PUS7: variants seen among roughly 807,000 people sequenced by gnomAD.
PUS7 encodes the protein pseudouridylate synthase 7 homolog.
In PUS7, 48 loss-of-function variants were observed where a neutral mutation model predicts 79.8. The observed-to-expected ratio is 0.60, with a 90% CI of 0.48 to 0.76. The LOEUF (loss-of-function observed/expected upper bound fraction) is 0.76, where lower values mean the gene tolerates loss of function less well. Among genes scored for constraint, PUS7 ranks in the 30% least tolerant of loss-of-function variants. PUS7 has a pLI of 0.00. For missense variants in PUS7, 729 were observed against 797.6 expected (o/e 0.91, Z 1.04); for synonymous variants, 286 against 272.2 (o/e 1.05, Z -0.50).
At chr7:105,473,524 T>C (rs1390526136) in intron 9 of PUS7, among the ~76,000 whole-genome samples, 1 of 151,886 alleles carries the variant, frequency 6.6e-6, no homozygotes, top group Non-Finnish European at 1.5e-5. Context: ...GTCCAAGCGA[T>C]TCTTGTGCCT....
rs755632586 is a variant in PUS7, at chr7:105,508,152, T to G, written c.361A>C (p.Ser121Arg). 5.6e-6 allele frequency: 9 copies of G among 1,614,050 alleles called. No individual in the cohort carries two copies. Among genetic ancestry groups the G allele is most frequent in the Non-Finnish European group, 7.6e-6 (9 of 1,180,034 alleles). Residue 121 changes from serine to arginine, a missense_variant, in exon 2 of 16, where the codon AGT (serine) becomes CGT (arginine). By Grantham distance (110) the Ser-to-Arg change is moderately radical (BLOSUM62 -1). Coordinates refer to ENST00000469408, the MANE Select transcript of PUS7 (RefSeq NM_019042.5). Reference protein sequence around the residue: ...EADVGITKFVSSHQGFSGILK... With the variant: ...EADVGITKFVRSHQGFSGILK... ...ATTCCCGAGAACCCTTGATGAGAAC[T>G]CACAAACTTGGTGATGCCTACGTCA...
At chr7:105,497,983 T>G (rs982904116) in intron 5 of PUS7, among the ~76,000 whole-genome samples, 1 of 152,190 alleles carries the variant, frequency 6.6e-6, no homozygotes, top group Non-Finnish European at 1.5e-5. Context: ...CCCTTTGGAG[T>G]ATTCATAATT....
intron 6 of PUS7, among the ~76,000 whole-genome samples, chr7:105,493,814 C>T (rs534382675): frequency 1.4e-3 from 215 of 152,292 alleles, no homozygotes; most frequent in Non-Finnish European, 2.3e-3. Context: ...ACAAACTTGC[C>T]GACACCTTGA....
At chr7:105,494,931 T>C (rs1319599251) in intron 6 of PUS7, among the ~76,000 whole-genome samples, 6 of 139,682 alleles carry the variant, frequency 4.3e-5, no homozygotes, top group African/African-American at 1.6e-4. Context: ...AGCCTGATCA[T>C]ACCATCATTC....
Position 105,508,408 on chromosome 7 carries a change from C to A in PUS7, c.105G>T (p.Leu35=). Residue 35 remains leucine (L), a synonymous_variant, in exon 2 of 16, where the codon CTG becomes CTT. Transcript: ENST00000469408. ...VPVEETKKQK[L]SECSLTKGQD... is the part of the protein sequence containing the mutation. ...GACCTTTGGTTAGACTGCATTCCGA[C>A]AGCTTCTGTTTTTTTGTCTCTTCAA... is the stretch of plus-strand genomic sequence containing the variant. The A allele has an allele frequency of 6.2e-7, 1 of 1,614,126 alleles. No homozygotes were observed. Among genetic ancestry groups the A allele is most frequent in the Non-Finnish European group, 8.5e-7 (1 of 1,180,028 alleles).
chr7:105,470,637 A>G (rs772079288), intron 11 of PUS7, 51 bp downstream of exon 11: 2 of 1,480,758 alleles, frequency 1.4e-6, no homozygotes, highest in Admixed American at 2.3e-5. Flanking sequence ...TGAAATTTAA[A>G]AAGCATTAAA....
At chr7:105,504,274 T>C (rs2133233408) in intron 4 of PUS7, among the ~76,000 whole-genome samples, 1 of 151,986 alleles carries the variant, frequency 6.6e-6, no homozygotes, top group African/African-American at 2.4e-5. Context: ...TTTCTCCATG[T>C]TGGTCAGGCT....
chr7:105,467,482 C>T (rs550710207), intron 12 of PUS7, among the ~76,000 whole-genome samples: 1 of 150,856 alleles, frequency 6.6e-6, no homozygotes, highest in Admixed American at 6.6e-5. Context: ...GTAGAGACGG[C>T]GTTTCACCGT....
chr7:105,508,069 G>A, intron 2 of PUS7, 46 bp downstream of exon 2: 1 of 1,535,196 alleles, frequency 6.5e-7, no homozygotes, highest in Non-Finnish European at 8.7e-7. Context: ...TTCTAAAGAA[G>A]AAACCTAATA....
At chr7:105,492,500 ATTTTTTTT>A (rs1159017117) in intron 6 of PUS7, among the ~76,000 whole-genome samples, 3 of 87,324 alleles carry the variant, frequency 3.4e-5, no homozygotes, top group African/African-American at 1.5e-4. Flanking sequence ...GATTTTTTGT[ATTTTTTTT>A]TTTTTTTTTT....
At chr7:105,474,354 C>T (rs1443795942) in intron 9 of PUS7, among the ~76,000 whole-genome samples, 2 of 152,056 alleles carry the variant, frequency 1.3e-5, no homozygotes, top group African/African-American at 4.8e-5. Context: ...AAATATAGTC[C>T]TGGGGTGATA....
rs1825293804 is a variant in PUS7 at position 105,502,462 on chromosome 7, ATTTCT to A, written c.683_687del (p.Lys228IlefsTer25). ...CCAGCTGCGTGGTAGGCTACAATGTATTTCTTCCCCTCCCTATCCTCTGTTTTTGT... is the reference window on the plus strand; with the variant it reads ...CCAGCTGCGTGGTAGGCTACAATGTATCCCCTCCCTATCCTCTGTTTTTGT... On this transcript the variant is annotated frameshift_variant, in exon 5 of 16. Coordinates refer to ENST00000469408, the MANE Select transcript of PUS7 (RefSeq NM_019042.5). LOFTEE classifies it high-confidence loss of function. 2 of 1,614,114 alleles carry A rather than the reference ATTTCT, an allele frequency of 1.2e-6. No individual in the cohort carries two copies. Among genetic ancestry groups the A allele is most frequent in the Non-Finnish European group, 1.7e-6 (2 of 1,180,026 alleles).
At chr7:105,491,725 A>C (rs924685406) in intron 6 of PUS7, 108 bp from the exon 7 acceptor site, 6 of 656,996 alleles carry the variant, frequency 9.1e-6, no homozygotes, top group Non-Finnish European at 1.5e-5. Context: ...CAATCATAAC[A>C]CAGTAAGAGA....
chr7:105,477,571 G>A (rs79172032), intron 9 of PUS7, among the ~76,000 whole-genome samples: 3,010 of 151,984 alleles, frequency 0.02, 102 homozygotes, highest in African/African-American at 0.068. Context: ...TTTTTTCAAA[G>A]TTTTTGCTGA....
chr7:105,485,897 A>C (rs1413451271), intron 7 of PUS7, among the ~76,000 whole-genome samples: 1 of 151,590 alleles, frequency 6.6e-6, no homozygotes, highest in Non-Finnish European at 1.5e-5. Flanking sequence ...GTGGGCTTAC[A>C]AAGTCTCCAG....
intron 1 of PUS7, among the ~76,000 whole-genome samples, chr7:105,510,703 C>G (rs1825668492): frequency 6.6e-6 from 1 of 151,992 alleles, no homozygotes; most frequent in Non-Finnish European, 1.5e-5. Context: ...TTGGTAGAGA[C>G]AGGGGTTCAC....
At chr7:105,518,376 A>G (rs1211183736) in intron 1 of PUS7, among the ~76,000 whole-genome samples, 1 of 151,786 alleles carries the variant, frequency 6.6e-6, no homozygotes, top group Non-Finnish European at 1.5e-5. Flanking sequence ...AAATTTTAAT[A>G]TAACACTAAC....
In PUS7 at chr7:105,508,503, T is replaced by C; in HGVS notation, c.10A>G (p.Thr4Ala). The C allele has an allele frequency of 6.2e-7, 1 of 1,611,232 alleles. No individual in the cohort carries two copies. Among genetic ancestry groups the C allele is most frequent in the Non-Finnish European group, 8.5e-7 (1 of 1,178,598 alleles). ...TTCAGCGACACACCAGTCATTTCTGTCATCTCCATCTTTAAGGCTCCAAGA... is the reference window on the plus strand; with the variant it reads ...TTCAGCGACACACCAGTCATTTCTGCCATCTCCATCTTTAAGGCTCCAAGA... MEM[T>A]EMTGVSLKRG... The change falls in exon 2 of 16, where the codon ACA becomes GCA. Residue 4 changes from threonine to alanine, a missense_variant. Thr to Ala is a moderately conservative substitution (Grantham distance 58). Coordinates refer to ENST00000469408, the MANE Select transcript of PUS7 (RefSeq NM_019042.5).
At chr7:105,486,725 T>C (rs1824564616) in intron 7 of PUS7, among the ~76,000 whole-genome samples, 1 of 151,994 alleles carries the variant, frequency 6.6e-6, no homozygotes, top group Non-Finnish European at 1.5e-5. Context: ...CTGATAGTTC[T>C]GTCCTTTTTT....
Sources: allele counts gnomAD v4.1 joint callset (sites outside exome capture counted in the v4.1 genomes callset), GRCh38; gene constraint gnomAD v4.1.1; transcripts MANE v1.5; gene names NCBI Gene and HGNC (gene_info 2026-07-23, HGNC 2026-07-21).